Variants in CDH23 observed in about 807,000 individuals in gnomAD.
CDH23 encodes cadherin-23.
In CDH23, 189 loss-of-function variants were observed where a neutral mutation model predicts 317.1. The observed-to-expected ratio is 0.60, with a 90% CI of 0.53 to 0.67. The LOEUF is 0.67. Among genes scored for constraint, CDH23 ranks in the 30% least tolerant of loss-of-function variants. CDH23 has a pLI of 0.00. For synonymous variants in CDH23, 1,839 were observed against 1,876.8 expected (o/e 0.98, Z 0.52); for missense variants, 4,401 against 4,592.4 (o/e 0.96, Z 1.20).
intron 1 of CDH23, among the ~76,000 whole-genome samples, chr10:71,427,112 C>T (rs1388830884): frequency 6.8e-6 from 1 of 146,736 alleles, no homozygotes; most frequent in East Asian, 2.0e-4. Context: ...GACTGCACCA[C>T]TGCACTCCAT....
intron 9 of CDH23, among the ~76,000 whole-genome samples, chr10:71,614,801 C>T (rs1861095232): frequency 6.6e-6 from 1 of 151,900 alleles, no homozygotes; most frequent in African/African-American, 2.4e-5. Context: ...CCAAGGACGC[C>T]AGTGTGAGTT....
At chr10:71,577,299 G>A (rs1474259455) in intron 8 of CDH23, among the ~76,000 whole-genome samples, 1 of 152,054 alleles carries the variant, frequency 6.6e-6, no homozygotes. Context: ...GTAGGGGTGT[G>A]GGCAGAGCCA....
chr10:71,806,002 G>C lies in CDH23; in HGVS notation c.8064+5G>C. The C allele has an allele frequency of 6.2e-7, 1 of 1,606,278 alleles. No individual in the cohort carries two copies. On this transcript the variant is annotated splice_donor_5th_base_variant and intron_variant, in intron 56 of 69. Transcript: ENST00000224721. ...GAGTCGCAGGCGGTGTACAGCGTAAGGGCGGGGCCCGGTGCGAGGGGCGGG... is the reference window on the plus strand; with the variant it reads ...GAGTCGCAGGCGGTGTACAGCGTAACGGCGGGGCCCGGTGCGAGGGGCGGG...
chr10:71,703,476 G>A (rs1589351644), intron 24 of CDH23, among the ~76,000 whole-genome samples: 1 of 152,342 alleles, frequency 6.6e-6, no homozygotes, highest in East Asian at 1.9e-4. Flanking sequence ...GCCTGGCTGT[G>A]CTGTGGGGAC....
intron 14 of CDH23, among the ~76,000 whole-genome samples, chr10:71,671,045 C>T (rs562149279): frequency 3.3e-5 from 5 of 151,594 alleles, no homozygotes; most frequent in East Asian, 3.9e-4. Flanking sequence ...CTGCAACCTC[C>T]GCTTCCCAGG....
At chr10:71,781,552 G>GCA (rs1840954559) in intron 41 of CDH23, among the ~76,000 whole-genome samples, 1 of 152,218 alleles carries the variant, frequency 6.6e-6, no homozygotes, top group East Asian at 1.9e-4. Flanking sequence ...AAGGCACAGA[G>GCA]CACACACCTG....
chr10:71,753,491 C>T (rs1053726813), intron 38 of CDH23, among the ~76,000 whole-genome samples: 1 of 152,212 alleles, frequency 6.6e-6, no homozygotes, highest in Admixed American at 6.5e-5. Flanking sequence ...TCCTCTCTGT[C>T]CTATCCCCTA....
At chr10:71,436,496 G>T (rs1849628278) in intron 1 of CDH23, among the ~76,000 whole-genome samples, 1 of 152,256 alleles carries the variant, frequency 6.6e-6, no homozygotes, top group South Asian at 2.1e-4. Flanking sequence ...GGGAACAGCA[G>T]CATGGTGTGA....
chr10:71,764,581 C>A (rs1244310182), intron 38 of CDH23, among the ~76,000 whole-genome samples: 1 of 152,132 alleles, frequency 6.6e-6, no homozygotes. Context: ...AATGCTAAAC[C>A]AGCTTTCCCA....
intron 13 of CDH23, 110 bp from the exon 14 acceptor site, chr10:71,646,349 A>G: frequency 1.3e-6 from 2 of 1,512,174 alleles, no homozygotes; most frequent in South Asian, 1.3e-5. Flanking sequence ...AGAGACTCTA[A>G]CAGGTGCTCT....
chr10:71,686,021 G>A (rs1864866910), intron 18 of CDH23, among the ~76,000 whole-genome samples: 1 of 152,002 alleles, frequency 6.6e-6, no homozygotes, highest in Admixed American at 6.6e-5. Flanking sequence ...CCAGGAGGAG[G>A]AGGGGCCGGA....
At chr10:71,502,607 G>A (rs753674593) in intron 3 of CDH23, among the ~76,000 whole-genome samples, 4 of 152,164 alleles carry the variant, frequency 2.6e-5, no homozygotes, top group African/African-American at 7.2e-5. Context: ...GTATGCTTTC[G>A]GGTGACAGCA....
intron 1 of CDH23, among the ~76,000 whole-genome samples, chr10:71,403,130 C>T (rs1589261772): frequency 6.6e-6 from 1 of 151,318 alleles, no homozygotes; most frequent in African/African-American, 2.4e-5. Flanking sequence ...TCAAAAGAAC[C>T]AAAAAACAAA....
At chr10:71,673,051 CTCTT>C (rs1348165419) in intron 14 of CDH23, among the ~76,000 whole-genome samples, 1 of 152,128 alleles carries the variant, frequency 6.6e-6, no homozygotes, top group Non-Finnish European at 1.5e-5. Flanking sequence ...CACTTCTGTC[CTCTT>C]TCTTCTGAGT....
chr10:71,462,275 A>G (rs1851034591), intron 3 of CDH23, among the ~76,000 whole-genome samples: 1 of 152,232 alleles, frequency 6.6e-6, no homozygotes, highest in East Asian at 1.9e-4. Context: ...AGTGGACATA[A>G]TTACTCCTGA....
In CDH23 at chr10:71,807,390, GTACTAC is replaced by G; in HGVS notation, c.8294_8299del (p.Tyr2765_Tyr2766del). On this transcript the variant is annotated inframe_deletion, in exon 58 of 70. Transcript: ENST00000224721. ...CAGATGAGGGCCCCAACGCGATCGT[GTACTAC>G]TTCATCGCAGGTGGGGCCAGACAGA... 6.2e-7 allele frequency: 1 copy of G among 1,613,922 alleles called. No individual in the cohort carries two copies. The highest frequency in any genetic ancestry group is 8.5e-7 in the Non-Finnish European group (1 of 1,179,836).
chr10:71,677,765 T>TTTTTTG (rs1864437768), intron 16 of CDH23, 72 bp downstream of exon 16: 2 of 1,314,060 alleles, frequency 1.5e-6, no homozygotes, highest in Non-Finnish European at 2.1e-6. Context: ...TGCTTGCTTC[T>TTTTTTG]TTTTTGTTTT....
intron 16 of CDH23, 77 bp downstream of exon 16, chr10:71,677,770 TG>T: frequency 7.9e-7 from 1 of 1,272,434 alleles, no homozygotes; most frequent in Admixed American, 2.0e-5. Context: ...GCTTCTTTTT[TG>T]TTTTTGTTTT....
chr10:71,640,471 C>T (rs532694514), intron 11 of CDH23, among the ~76,000 whole-genome samples: 5 of 152,346 alleles, frequency 3.3e-5, no homozygotes, highest in African/African-American at 9.6e-5. Flanking sequence ...GGGCCCAGTC[C>T]GGGAGCGGTG....
Sources: gnomAD v4.1 joint callset for allele counts (sites outside exome capture counted in the v4.1 genomes callset) on GRCh38, gnomAD v4.1.1 for gene constraint, MANE v1.5 for transcripts, NCBI Gene and HGNC (gene_info 2026-07-23, HGNC 2026-07-21) for gene names.